SYNE1: variants seen among roughly 807,000 people sequenced by gnomAD.
The protein encoded by SYNE1 is spectrin repeat containing nuclear envelope protein 1.
Under a neutral mutation model 1,111.0 loss-of-function variants are expected in SYNE1, and 616 were observed. That is an observed-to-expected ratio of 0.55 (90% CI 0.52 to 0.59). The LOEUF is 0.59. SYNE1 is among the 20% of genes least tolerant of loss of function. The pLI is 0.00. For synonymous variants in SYNE1, 3,855 were observed against 3,825.8 expected (o/e 1.01, Z -0.28); for missense variants, 10,006 against 10,417.0 (o/e 0.96, Z 1.72).
chr6:152,483,870 A>C (rs1460530264), intron 13 of SYNE1, among the ~76,000 whole-genome samples: 1 of 150,252 alleles, frequency 6.7e-6, no homozygotes, highest in Non-Finnish European at 1.5e-5. Context: ...GAACTAGCCT[A>C]TTCTTTAATG....
At chr6:152,194,396 G>C (rs939721034) in intron 127 of SYNE1, among the ~76,000 whole-genome samples, 1 of 152,054 alleles carries the variant, frequency 6.6e-6, no homozygotes, top group Non-Finnish European at 1.5e-5. Flanking sequence ...TCCATTTTAT[G>C]TTATTTCTTT....
Position 152,354,914 on chromosome 6 carries a change from C to T in SYNE1, c.10671G>A (p.Glu3557=), listed in dbSNP as rs749394381. Residue 3557 remains glutamate (E), a synonymous_variant, in exon 67 of 146, where the codon GAG becomes GAA. Transcript: ENST00000367255. The stretch of plus-strand genomic sequence containing the variant: ...GTGGGATACCTGATGGGATCACATC[C>T]TCTCTGGTGTGCAGCACTGAGTTCA... ...ALLNSVLHTR[E]DVIPSGIPQA... is the part of the protein sequence containing the mutation. 2 of 1,614,154 alleles carry T rather than the reference C, an allele frequency of 1.2e-6. No individual in the cohort carries two copies. Among genetic ancestry groups the T allele is most frequent in the Admixed American group, 3.3e-5 (2 of 60,010 alleles).
intron 95 of SYNE1, among the ~76,000 whole-genome samples, 193 bp from the exon 96 acceptor site, chr6:152,284,365 T>C (rs2094201725): frequency 3.3e-5 from 5 of 152,248 alleles, no homozygotes; most frequent in African/African-American, 4.8e-5. Flanking sequence ...ATTTTATGTA[T>C]GTATCACTAA....
chr6:152,461,794 T>A (rs1421447063), intron 20 of SYNE1, 54 bp from the exon 21 acceptor site: 4 of 1,612,016 alleles, frequency 2.5e-6, no homozygotes, highest in Non-Finnish European at 2.5e-6. Flanking sequence ...TCCTCTTAAC[T>A]TCCGGATTCC....
At chr6:152,326,137 C>T (rs767873722) in intron 79 of SYNE1, 35 bp from the exon 80 acceptor site, 147 of 1,613,794 alleles carry the variant, frequency 9.1e-5, no homozygotes, top group South Asian at 7.8e-4. Flanking sequence ...ATAAGTAGCA[C>T]GAAATCACGT....
At chr6:152,276,557 G>C (rs948132817) in intron 98 of SYNE1, among the ~76,000 whole-genome samples, 4 of 151,542 alleles carry the variant, frequency 2.6e-5, no homozygotes, top group African/African-American at 9.7e-5. Context: ...CTCACACTGA[G>C]AAAACAGAAG....
chr6:152,505,348 C>T lies in SYNE1; in HGVS notation c.631G>A (p.Val211Ile). Residue 211 changes from valine (V) to isoleucine (I), a missense_variant, in exon 9 of 146, where the codon GTT becomes ATT. This residue lies in a region of SYNE1 where 1,971 missense variants were observed against 2,084.1 expected (regional missense o/e 0.95). Coordinates refer to ENST00000367255, the MANE Select transcript of SYNE1 (RefSeq NM_182961.4). ...GCATGAATAACTGAATGAAAGGCAA[C>T]CCCGCTTCTCCAACTCTTCCCAAAA... ...KDFGKSWRSG[V>I]AFHSVIHAIR... The T allele has an allele frequency of 1.2e-6, 2 of 1,614,122 alleles. No homozygotes were observed. The highest frequency in any genetic ancestry group is 1.7e-6 in the Non-Finnish European group (2 of 1,180,006).
At chr6:152,380,927 A>AT (rs763377030) in intron 56 of SYNE1, 79 bp downstream of exon 56, 8,429 of 1,240,338 alleles carry the variant, frequency 6.8e-3, no homozygotes, top group Non-Finnish European at 8.4e-3. Flanking sequence ...AGTTAGCAAG[A>AT]TTTTTTTTTT....
chr6:152,591,049 T>C (rs1396749282), intron 3 of SYNE1, among the ~76,000 whole-genome samples: 1 of 152,170 alleles, frequency 6.6e-6, no homozygotes, highest in Non-Finnish European at 1.5e-5. Context: ...ATTTATGTTG[T>C]CTCTGATTTC....
chr6:152,581,850 T>C (rs1014098774), intron 3 of SYNE1, among the ~76,000 whole-genome samples: 6 of 152,308 alleles, frequency 3.9e-5, no homozygotes, highest in South Asian at 4.1e-4. Flanking sequence ...TCTATTCTTG[T>C]CTTCCCCACT....
In SYNE1 at chr6:152,331,591, G is replaced by T. The variant is rs779970152; in HGVS notation, c.13094C>A (p.Pro4365His). ...ELMEWAEEQQ[P>H]NIAEALKQSP... Reference sequence around the variant, plus strand: ...CTGCTTAAGGGCCTCGGCGATGTTGGGTTGTTGCTCTTCTGCCCACTCCAT... The same window carrying T: ...CTGCTTAAGGGCCTCGGCGATGTTGTGTTGTTGCTCTTCTGCCCACTCCAT... The change falls in exon 78 of 146, where the codon CCC (proline) becomes CAC (histidine). Residue 4365 changes from proline (P) to histidine (H), a missense_variant. Physicochemically the swap from Pro to His is moderately conservative, Grantham distance 77. Coordinates refer to ENST00000367255, the MANE Select transcript of SYNE1 (RefSeq NM_182961.4). The T allele has an allele frequency of 2.5e-6, 4 of 1,614,020 alleles. No individual in the cohort carries two copies. In the Admixed American group the frequency reaches 6.7e-5, roughly 27 times the overall value.
intron 133 of SYNE1, among the ~76,000 whole-genome samples, chr6:152,153,442 A>T (rs887818673): frequency 6.6e-6 from 1 of 152,234 alleles, no homozygotes; most frequent in Non-Finnish European, 1.5e-5. Flanking sequence ...GTCTCTTAAG[A>T]AAATTAACTA....
chr6:152,604,151 A>G (rs1196941601), intron 3 of SYNE1, among the ~76,000 whole-genome samples: 1 of 144,394 alleles, frequency 6.9e-6, no homozygotes, highest in Non-Finnish European at 1.5e-5. Context: ...AAAGTCTCCA[A>G]CCCTTTATAT....
intron 101 of SYNE1, among the ~76,000 whole-genome samples, chr6:152,259,056 T>C (rs2091485401): frequency 6.6e-6 from 1 of 152,080 alleles, no homozygotes; most frequent in Non-Finnish European, 1.5e-5. Flanking sequence ...TCAGTCTCTT[T>C]TGACTTTTCA....
intron 135 of SYNE1, among the ~76,000 whole-genome samples, chr6:152,150,181 A>G (rs1002033469): frequency 6.6e-6 from 1 of 152,230 alleles, no homozygotes; most frequent in Admixed American, 6.5e-5. Flanking sequence ...AGGCAGGTAA[A>G]GTTATGATTT....
intron 131 of SYNE1, among the ~76,000 whole-genome samples, chr6:152,163,337 A>T (rs1313231139): frequency 6.6e-6 from 1 of 152,034 alleles, no homozygotes; most frequent in Non-Finnish European, 1.5e-5. Context: ...CGTCTCTATT[A>T]ACAATACAAA....
chr6:152,177,329 CT>C (rs1294509122), intron 129 of SYNE1, among the ~76,000 whole-genome samples: 29 of 152,164 alleles, frequency 1.9e-4, no homozygotes, highest in African/African-American at 7.0e-4. Flanking sequence ...TCCCCTCCCC[CT>C]GACTGCCACT....
At chr6:152,616,842 T>TG (rs1412376217) in intron 3 of SYNE1, among the ~76,000 whole-genome samples, 2 of 152,048 alleles carry the variant, frequency 1.3e-5, no homozygotes, top group African/African-American at 4.8e-5. Context: ...GTGACCTGAG[T>TG]GGTTGCACAG....
chr6:152,190,976 T>C (rs1187693067), intron 127 of SYNE1, among the ~76,000 whole-genome samples: 1 of 152,246 alleles, frequency 6.6e-6, no homozygotes, highest in Admixed American at 6.5e-5. Flanking sequence ...TTGAGGGTTT[T>C]TATCAGGAAA....
Sources: gnomAD v4.1 joint callset for allele counts (sites outside exome capture counted in the v4.1 genomes callset) on GRCh38, gnomAD v4.1.1 for gene constraint, gnomAD v4.1.1 regional missense constraint, MANE v1.5 for transcripts, NCBI Gene and HGNC (gene_info 2026-07-23, HGNC 2026-07-21) for gene names.